Variants in CPB1 observed in about 807,000 individuals in gnomAD.
The protein encoded by CPB1 is carboxypeptidase B1, also known as carboxypeptidase B.
In CPB1, 53 loss-of-function variants were observed where a neutral mutation model predicts 51.4. That is an observed-to-expected ratio of 1.03 (90% CI 0.83 to 1.30). CPB1 has a LOEUF of 1.30. CPB1 is among the 50% of genes most tolerant of loss of function. CPB1 has a pLI of 0.00. For synonymous variants in CPB1, 189 were observed against 186.9 expected (o/e 1.01, Z -0.09); for missense variants, 494 against 516.2 (o/e 0.96, Z 0.42).
At chr3:148,831,155 A>G (rs1712722213) in intron 2 of CPB1, among the ~76,000 whole-genome samples, 1 of 152,136 alleles carries the variant, frequency 6.6e-6, no homozygotes, top group African/African-American at 2.4e-5. Flanking sequence ...TCTCCTCACA[A>G]TCAGGGTTGT....
intron 3 of CPB1, among the ~76,000 whole-genome samples, chr3:148,837,657 C>G (rs1205526473): frequency 6.6e-6 from 1 of 151,500 alleles, no homozygotes; most frequent in Non-Finnish European, 1.5e-5. Context: ...GTACTTTGTC[C>G]TAAATCTAAT....
At chr3:148,832,923 T>G (rs1335509886) in intron 2 of CPB1, among the ~76,000 whole-genome samples, 1 of 152,096 alleles carries the variant, frequency 6.6e-6, no homozygotes, top group Non-Finnish European at 1.5e-5. Flanking sequence ...CTTTGCCAAT[T>G]CTCAACCTTG....
rs1467467229 is a variant in CPB1, at chr3:148,834,523, T to C, written c.173T>C (p.Val58Ala). 1.2e-6 allele frequency: 2 copies of C among 1,613,614 alleles called. No individual in the cohort carries two copies. Among genetic ancestry groups the C allele is most frequent in the South Asian group, 1.1e-5 (1 of 91,070 alleles). The change falls in exon 3 of 11, where the codon GTC becomes GCC. Residue 58 changes from valine (V) to alanine (A), a missense_variant. Physicochemically the swap from Val to Ala is moderately conservative, Grantham distance 64. Transcript: ENST00000282957. ...ATTGACTTCTGGAAGCCAGATTCTG[T>C]CACACAAATCAAACCTCACAGTACA... Reference protein sequence around the residue: ...TQIDFWKPDSVTQIKPHSTVD... With the variant: ...TQIDFWKPDSATQIKPHSTVD...
Position 148,841,916 on chromosome 3 carries a change from G to T in CPB1, c.568G>T (p.Val190Leu), listed in dbSNP as rs1713097856. The T allele has an allele frequency of 2.5e-6, 4 of 1,611,548 alleles. No individual in the cohort carries two copies. The highest frequency in any genetic ancestry group is 1.3e-5 in the African/African-American group (1 of 74,880). ...TTCTCCTGCATTCTGCCAGTGGTTTGTAAGAGAGGTCAGTGTGTAGAGTGG... is the reference window on the plus strand; with the variant it reads ...TTCTCCTGCATTCTGCCAGTGGTTTTTAAGAGAGGTCAGTGTGTAGAGTGG... Reference protein sequence around the residue: ...WISPAFCQWFVREAVRTYGRE... With the variant: ...WISPAFCQWFLREAVRTYGRE... Residue 190 changes from valine (V) to leucine (L), a missense_variant, in exon 6 of 11, where the codon GTA (valine) becomes TTA (leucine). Physicochemically the swap from Val to Leu is conservative, Grantham distance 32 (BLOSUM62 1). Transcript: ENST00000282957.
intron 9 of CPB1, among the ~76,000 whole-genome samples, chr3:148,847,438 G>T (rs1235193183): frequency 2.1e-5 from 3 of 141,996 alleles, no homozygotes; most frequent in Non-Finnish European, 4.5e-5. Context: ...AATAATTTTT[G>T]CTACTTCCTA....
intron 3 of CPB1, 102 bp downstream of exon 3, chr3:148,834,724 C>A: frequency 8.8e-7 from 1 of 1,140,980 alleles, no homozygotes; most frequent in Non-Finnish European, 1.2e-6. Flanking sequence ...AAGACCAATG[C>A]CTTCCCCAGG....
At chr3:148,845,685 C>T in intron 9 of CPB1, 59 bp downstream of exon 9, 4 of 1,353,220 alleles carry the variant, frequency 3.0e-6, no homozygotes, top group Non-Finnish European at 4.1e-6. Context: ...AATTCTAATC[C>T]TGAAAAAAAA....
chr3:148,845,658 AC>A, intron 9 of CPB1, 32 bp downstream of exon 9: 1 of 1,521,156 alleles, frequency 6.6e-7, no homozygotes, highest in Non-Finnish European at 9.1e-7. Context: ...ATGACATTTT[AC>A]TATTGAGATT....
intron 9 of CPB1, chr3:148,857,081 T>TTTTC: frequency 6.5e-6 from 1 of 154,906 alleles, no homozygotes; most frequent in Non-Finnish European, 1.4e-5. Context: ...TTTTTTTTTT[T>TTTTC]TTTGCTTTGT....
In CPB1 at chr3:148,830,790, C is replaced by T. The variant is rs897725500; in HGVS notation, c.147+2713C>T. 1.6e-4 allele frequency among the ~76,000 whole-genome samples: 25 copies of T among 152,066 alleles called. 1 individual carries two copies. The highest frequency in any genetic ancestry group is 5.9e-4 in the Admixed American group (9 of 15,256). ...AACTCTCTCTTGGAAAAGACAGAAG[C>T]CAAAAAACAGTTAAATAGGGCTTCT... is the stretch of plus-strand genomic sequence containing the variant. On this transcript the variant is annotated intron_variant, in intron 2 of 10. Coordinates refer to ENST00000282957, the MANE Select transcript of CPB1 (RefSeq NM_001871.3).
At chr3:148,829,333 C>G (rs1712662129) in intron 2 of CPB1, among the ~76,000 whole-genome samples, 1 of 152,156 alleles carries the variant, frequency 6.6e-6, no homozygotes. Context: ...TTAATGTATA[C>G]TACAGGGCCA....
chr3:148,828,836 G>A (rs995502550), intron 2 of CPB1, among the ~76,000 whole-genome samples: 1 of 152,052 alleles, frequency 6.6e-6, no homozygotes, highest in Non-Finnish European at 1.5e-5. Flanking sequence ...TCATTTTGTA[G>A]CTTTTAAGGC....
At chr3:148,857,769 C>T (rs184672203) in intron 10 of CPB1, among the ~76,000 whole-genome samples, 5 of 151,762 alleles carry the variant, frequency 3.3e-5, no homozygotes, top group Non-Finnish European at 7.4e-5. Flanking sequence ...GCTGGTCATG[C>T]ACACCTGTAA....
At chr3:148,828,458 A>G (rs1219320616) in intron 2 of CPB1, among the ~76,000 whole-genome samples, 2 of 152,126 alleles carry the variant, frequency 1.3e-5, no homozygotes, top group Admixed American at 1.3e-4. Context: ...TCCACATCCC[A>G]TGTATCATCT....
In CPB1 at chr3:148,840,955, C is replaced by T. The variant is rs766816862; in HGVS notation, c.454C>T (p.Arg152Cys). The T allele has an allele frequency of 1.3e-5, 21 of 1,613,756 alleles. No homozygotes were observed. Among genetic ancestry groups the T allele is most frequent in the Admixed American group, 8.3e-5 (5 of 59,978 alleles). Residue 152 changes from arginine (R) to cysteine (C), a missense_variant, in exon 5 of 11, where the codon CGC becomes TGC. Arg to Cys is a radical substitution (Grantham distance 180). Coordinates refer to ENST00000282957, the MANE Select transcript of CPB1 (RefSeq NM_001871.3). ...TGTTATCGGAACCACATTTGAGGGA[C>T]GCGCTATTTACCTCCTGAAGGTAAT... is the stretch of plus-strand genomic sequence containing the variant. The part of the protein sequence containing the change: ...RSVIGTTFEG[R>C]AIYLLKVGKA...
Position 148,841,912 on chromosome 3 carries a change from G to C in CPB1, c.564G>C (p.Trp188Cys), listed in dbSNP as rs369320381. The change falls in exon 6 of 11, where the codon TGG (tryptophan) becomes TGC (cysteine). Residue 188 changes from tryptophan to cysteine, a missense_variant. Transcript: ENST00000282957. ...REWISPAFCQ[W>C]FVREAVRTYG... Reference sequence around the variant, plus strand: ...GGATTTCTCCTGCATTCTGCCAGTGGTTTGTAAGAGAGGTCAGTGTGTAGA... The same window carrying C: ...GGATTTCTCCTGCATTCTGCCAGTGCTTTGTAAGAGAGGTCAGTGTGTAGA... The C allele has an allele frequency of 6.2e-7, 1 of 1,612,934 alleles. No individual in the cohort carries two copies. Among genetic ancestry groups the C allele is most frequent in the East Asian group, 2.2e-5 (1 of 44,884 alleles).
intron 9 of CPB1, among the ~76,000 whole-genome samples, chr3:148,850,447 A>G (rs969366230): frequency 6.6e-6 from 1 of 151,880 alleles, no homozygotes; most frequent in African/African-American, 2.4e-5. Context: ...GACTACAGGC[A>G]CCTGCCACCA....
In CPB1 at chr3:148,841,122, C is replaced by T. The variant is rs112791106; in HGVS notation, c.474+147C>T. 7.1e-3 allele frequency: 4,203 copies of T among 591,304 alleles called. 132 individuals are homozygous for T. The highest frequency in any genetic ancestry group is 0.069 in the African/African-American group (3,725 of 54,054). 36.6% of individuals were successfully genotyped at this position (591,304 alleles called of 1,614,324 possible). A position where few individuals can be genotyped will look rare whatever the true frequency, so the allele number is the denominator to read the frequency against. ...ACATCCCCGAGGGAACCAGATTCCC[C>T]AGCTTCTTTTATCATATGTGGATTT... On this transcript the variant is annotated intron_variant, in intron 5 of 10. Transcript: ENST00000282957.
chr3:148,846,790 T>C (rs1198953437), intron 9 of CPB1, among the ~76,000 whole-genome samples: 4 of 54,872 alleles, frequency 7.3e-5, no homozygotes, highest in African/African-American at 2.8e-4. Context: ...TATGTGTGTG[T>C]GCGTGTGTAT....
Sources: gnomAD v4.1 joint callset for allele counts (sites outside exome capture counted in the v4.1 genomes callset) on GRCh38, gnomAD v4.1.1 for gene constraint, MANE v1.5 for transcripts, NCBI Gene and HGNC (gene_info 2026-07-23, HGNC 2026-07-21) for gene names.